BTBD9: variants seen among roughly 807,000 people sequenced by gnomAD.
BTBD9 encodes BTB domain containing 9.
In BTBD9, 49 loss-of-function variants were observed where a neutral mutation model predicts 64.3. The observed-to-expected ratio is 0.76, with a 90% CI of 0.61 to 0.97. BTBD9 has a LOEUF of 0.97. BTBD9 is among the 50% of genes least tolerant of loss of function. The probability of loss-of-function intolerance (pLI) is 0.00; values close to 1 mark genes in which losing one functional copy is unlikely to be tolerated. For synonymous variants in BTBD9, 260 were observed against 274.7 expected (o/e 0.95, Z 0.53); for missense variants, 598 against 762.1 (o/e 0.78, Z 2.53).
At chr6:38,327,425 G>GC (rs1763484281) in intron 7 of BTBD9, among the ~76,000 whole-genome samples, 1 of 152,052 alleles carries the variant, frequency 6.6e-6, no homozygotes, top group East Asian at 1.9e-4. Context: ...ACAGCAGTCT[G>GC]CCCCCATAGC....
chr6:38,211,937 G>A (rs1388814484), intron 9 of BTBD9, among the ~76,000 whole-genome samples: 1 of 152,204 alleles, frequency 6.6e-6, no homozygotes, highest in Non-Finnish European at 1.5e-5. Context: ...CCACTGTGTT[G>A]AGTCCACCAA....
intron 9 of BTBD9, among the ~76,000 whole-genome samples, chr6:38,197,486 C>T (rs112044293): frequency 0.015 from 2,257 of 152,278 alleles, 40 homozygotes; most frequent in African/African-American, 0.05. Context: ...GTGTCTGTGT[C>T]ATGCCTCCGG....
intron 1 of BTBD9, among the ~76,000 whole-genome samples, chr6:38,639,515 G>A (rs1055734744): frequency 6.6e-6 from 1 of 152,196 alleles, no homozygotes; most frequent in African/African-American, 2.4e-5. Context: ...GGCTGCCCCT[G>A]ATTCGAACTC....
intron 1 of BTBD9, among the ~76,000 whole-genome samples, chr6:38,614,781 C>T (rs946332282): frequency 2.0e-4 from 30 of 152,224 alleles, no homozygotes; most frequent in African/African-American, 7.2e-4. Context: ...CTTCATCTCT[C>T]ACTCGGACCC....
rs547792051 is a variant in BTBD9 at position 38,374,920 on chromosome 6, C to T, written c.1155-29827G>A. Among the ~76,000 whole-genome samples the T allele has an allele frequency of 2.0e-5, 3 of 152,274 alleles. No homozygotes were observed. The South Asian group carries it at 6.2e-4, about 32-fold the overall frequency. ...ACAATGTCCAAAAACAGAAGGCAGT[C>T]ACTAGGCGTAGCTGAGATGTGATAG... On this transcript the variant is annotated intron_variant, in intron 6 of 10. Coordinates refer to ENST00000481247, the MANE Select transcript of BTBD9 (RefSeq NM_001099272.2).
intron 6 of BTBD9, among the ~76,000 whole-genome samples, chr6:38,465,219 T>C (rs1770288690): frequency 6.6e-6 from 1 of 151,064 alleles, no homozygotes; most frequent in South Asian, 2.1e-4. Flanking sequence ...CACTTGAGCC[T>C]GGGAGGTTGA....
chr6:38,307,491 C>T (rs1762669713), intron 7 of BTBD9, among the ~76,000 whole-genome samples: 1 of 152,234 alleles, frequency 6.6e-6, no homozygotes, highest in Admixed American at 6.5e-5. Flanking sequence ...GAGAAGGCTG[C>T]TTCTGAACAC....
rs1466199046 is a variant in BTBD9 at position 38,596,755 on chromosome 6, C to T, written c.185+1155G>A. ...GGCGGAGCTTGCAGTGAGCCGAGAT[C>T]GCGCCACTGCACTCCAGCCTGGGCG... On this transcript the variant is annotated intron_variant, in intron 2 of 10. Coordinates refer to ENST00000481247, the MANE Select transcript of BTBD9 (RefSeq NM_001099272.2). Among the ~76,000 whole-genome samples the T allele has an allele frequency of 1.8e-4, 26 of 147,802 alleles. 1 individual carries two copies. Among genetic ancestry groups the T allele is most frequent in the African/African-American group, 6.5e-4 (26 of 39,862 alleles).
chr6:38,192,728 G>A (rs1762131997), intron 9 of BTBD9, 131 bp from the exon 10 acceptor site: 1 of 745,464 alleles, frequency 1.3e-6, no homozygotes. Flanking sequence ...AGGAGGGGCA[G>A]GCAGCTGGGC....
intron 6 of BTBD9, among the ~76,000 whole-genome samples, chr6:38,430,242 T>C (rs1489566869): frequency 4.6e-5 from 7 of 151,938 alleles, no homozygotes; most frequent in South Asian, 2.1e-4. Flanking sequence ...TTTTTAGAAA[T>C]AGGTTCTCCC....
At chr6:38,607,758 G>C (rs1193333922) in intron 1 of BTBD9, among the ~76,000 whole-genome samples, 1 of 107,762 alleles carries the variant, frequency 9.3e-6, no homozygotes, top group East Asian at 2.1e-4. Context: ...AAAATATCAA[G>C]ACTCCCAAGG....
At chr6:38,524,387 T>TA (rs745899274) in intron 6 of BTBD9, among the ~76,000 whole-genome samples, 19 of 152,212 alleles carry the variant, frequency 1.2e-4, no homozygotes, top group African/African-American at 3.4e-4. Context: ...CATAAGAAGT[T>TA]AAAAAAATCC....
chr6:38,257,821 C>T (rs181851291), intron 8 of BTBD9, among the ~76,000 whole-genome samples: 7 of 151,920 alleles, frequency 4.6e-5, no homozygotes, highest in Middle Eastern at 6.8e-3. Flanking sequence ...GGGGAGGTAT[C>T]GACTAGGAAA....
chr6:38,174,544 G>A lies in BTBD9; in HGVS notation c.*441C>T, dbSNP rs9470810. The A allele has an allele frequency of 1.0e-3, 174 of 169,160 alleles. 1 individual carries two copies. The highest frequency in any genetic ancestry group is 5.4e-3 in the Middle Eastern group (2 of 368). The allele number at this position is 169,160 out of a possible 1,614,324, so 10.5% of individuals were successfully genotyped here. A position where few individuals can be genotyped will look rare whatever the true frequency, so the allele number is the denominator to read the frequency against. On this transcript the variant is annotated 3_prime_UTR_variant, in exon 11 of 11. Coordinates refer to ENST00000481247, the MANE Select transcript of BTBD9 (RefSeq NM_001099272.2). ...AAAATCATTTAGTTGCCAGGGCAAT[G>A]TATTCCAGCAGAATGAACACTCTAT...
intron 6 of BTBD9, among the ~76,000 whole-genome samples, chr6:38,434,737 A>AGTT (rs1768630807): frequency 6.6e-6 from 1 of 152,024 alleles, no homozygotes; most frequent in Admixed American, 6.5e-5. Context: ...TCTCCCTAGT[A>AGTT]GTAGTCTATC....
intron 9 of BTBD9, among the ~76,000 whole-genome samples, chr6:38,198,670 G>C (rs1312700949): frequency 6.6e-6 from 1 of 152,196 alleles, no homozygotes; most frequent in Non-Finnish European, 1.5e-5. Flanking sequence ...ACACTGGGGA[G>C]ACAGAGACAG....
At chr6:38,304,348 C>T (rs1293148272) in intron 7 of BTBD9, among the ~76,000 whole-genome samples, 8 of 151,940 alleles carry the variant, frequency 5.3e-5, no homozygotes, top group South Asian at 2.1e-4. Flanking sequence ...GAGGTCAAGA[C>T]CAGCCTGGCC....
intron 6 of BTBD9, among the ~76,000 whole-genome samples, chr6:38,550,184 G>A (rs187931825): frequency 3.3e-5 from 5 of 152,154 alleles, no homozygotes; most frequent in Admixed American, 2.6e-4. Flanking sequence ...GATCTAAAAT[G>A]TTCAAACTGA....
intron 6 of BTBD9, among the ~76,000 whole-genome samples, chr6:38,499,747 G>A (rs1461807623): frequency 6.6e-6 from 1 of 152,104 alleles, no homozygotes; most frequent in African/African-American, 2.4e-5. Flanking sequence ...TATTTCCCTC[G>A]TTTGCTCACA....
Sources: gnomAD v4.1 joint callset for allele counts (sites outside exome capture counted in the v4.1 genomes callset) on GRCh38, gnomAD v4.1.1 for gene constraint, MANE v1.5 for transcripts, NCBI Gene and HGNC (gene_info 2026-07-23, HGNC 2026-07-21) for gene names.